Variants in RNF180 observed in about 807,000 individuals in gnomAD.
RNF180 encodes E3 ubiquitin-protein ligase RNF180.
A neutral mutation model predicts 59.2 loss-of-function variants in RNF180; 38 were observed. The observed-to-expected ratio is 0.64, with a 90% confidence interval of 0.50 to 0.84. The LOEUF (loss-of-function observed/expected upper bound fraction) is 0.84. RNF180 is among the 40% of genes least tolerant of loss of function. The pLI is 0.00. For missense variants in RNF180, 705 were observed against 700.9 expected (o/e 1.01, Z -0.07); for synonymous variants, 262 against 240.3 (o/e 1.09, Z -0.84).
chr5:64,302,650 G>A (rs764673835), intron 5 of RNF180, among the ~76,000 whole-genome samples: 26 of 151,558 alleles, frequency 1.7e-4, no homozygotes, highest in Non-Finnish European at 2.8e-4. Context: ...GTTTACATGT[G>A]TCAGAAGCTA....
chr5:64,320,021 G>A (rs547781981), intron 5 of RNF180, among the ~76,000 whole-genome samples: 1 of 152,286 alleles, frequency 6.6e-6, no homozygotes, highest in East Asian at 1.9e-4. Flanking sequence ...AACAGCATCA[G>A]CATTACCTGG....
intron 2 of RNF180, among the ~76,000 whole-genome samples, chr5:64,201,712 A>G (rs1005030967): frequency 1.3e-5 from 2 of 152,216 alleles, no homozygotes; most frequent in African/African-American, 4.8e-5. Flanking sequence ...TGATAATAGT[A>G]GATAACTTTG....
chr5:64,338,910 A>G (rs1249473608), intron 7 of RNF180, among the ~76,000 whole-genome samples: 1 of 152,142 alleles, frequency 6.6e-6, no homozygotes, highest in African/African-American at 2.4e-5. Context: ...ACATTAGAAC[A>G]CTGCTAGATT....
intron 5 of RNF180, among the ~76,000 whole-genome samples, chr5:64,270,381 A>C (rs930218804): frequency 2.0e-5 from 3 of 152,182 alleles, no homozygotes; most frequent in African/African-American, 7.2e-5. Context: ...ATTTCCCTGT[A>C]TAGTCATCTA....
intron 5 of RNF180, among the ~76,000 whole-genome samples, chr5:64,288,141 C>T (rs1742384380): frequency 6.6e-6 from 1 of 152,136 alleles, no homozygotes; most frequent in African/African-American, 2.4e-5. Context: ...TCTCCCGGCA[C>T]CATTTATTAA....
chr5:64,190,033 G>GT (rs754546228), intron 1 of RNF180, among the ~76,000 whole-genome samples: 114 of 152,262 alleles, frequency 7.5e-4, no homozygotes, highest in Non-Finnish European at 1.3e-3. Context: ...TTCTTCCTCA[G>GT]TTTGAGTATA....
chr5:64,234,804 T>A (rs1742330106), intron 5 of RNF180, among the ~76,000 whole-genome samples: 1 of 151,752 alleles, frequency 6.6e-6, no homozygotes, highest in South Asian at 2.1e-4. Flanking sequence ...TTTCACCGTG[T>A]TAGCCAGGAT....
intron 4 of RNF180, among the ~76,000 whole-genome samples, chr5:64,216,771 G>A (rs931534483): frequency 9.2e-5 from 14 of 152,308 alleles, no homozygotes; most frequent in African/African-American, 2.9e-4. Context: ...GGGGAAAGAC[G>A]TAGCACTGAG....
intron 7 of RNF180, among the ~76,000 whole-genome samples, chr5:64,337,130 C>T (rs77551099): frequency 0.045 from 6,828 of 151,996 alleles, 505 homozygotes; most frequent in African/African-American, 0.15. Flanking sequence ...TCTCCCACCT[C>T]AGACTCCTGA....
chr5:64,324,501 C>T (rs1340662371), intron 5 of RNF180, among the ~76,000 whole-genome samples: 1 of 152,218 alleles, frequency 6.6e-6, no homozygotes, highest in Non-Finnish European at 1.5e-5. Flanking sequence ...TTTTTTTTCT[C>T]ATCATCGTTA....
At chr5:64,216,777 C>T (rs1317478766) in intron 4 of RNF180, among the ~76,000 whole-genome samples, 1 of 152,180 alleles carries the variant, frequency 6.6e-6, no homozygotes, top group Admixed American at 6.5e-5. Flanking sequence ...AGACGTAGCA[C>T]TGAGCCACAT....
At chr5:64,340,100 T>C (rs1177660662) in intron 7 of RNF180, among the ~76,000 whole-genome samples, 21 of 152,164 alleles carry the variant, frequency 1.4e-4, no homozygotes, top group Admixed American at 1.4e-3. Flanking sequence ...ATCTATGCTA[T>C]GTTAATTTAT....
chr5:64,244,258 A>T (rs1186668305), intron 5 of RNF180, among the ~76,000 whole-genome samples: 1 of 152,230 alleles, frequency 6.6e-6, no homozygotes, highest in Non-Finnish European at 1.5e-5. Flanking sequence ...AATTGACAGA[A>T]GTAGGCTTCA....
In RNF180 at chr5:64,369,868, G is replaced by T. The variant is rs892302260; in HGVS notation, c.*54G>T. On this transcript the variant is annotated 3_prime_UTR_variant, in exon 8 of 8. Transcript: ENST00000389100. ...ATCATAAATGATGTAAATAACAATT[G>T]CTTAAACATTTTTAAATGTGCTTTG... 2.0e-6 allele frequency: 2 copies of T among 993,148 alleles called. No individual in the cohort carries two copies. Among genetic ancestry groups the T allele is most frequent in the Non-Finnish European group, 2.7e-6 (2 of 729,950 alleles). The allele number at this position is 993,148 out of a possible 1,614,324, so 61.5% of individuals were successfully genotyped here. A position where few individuals can be genotyped will look rare whatever the true frequency, so the allele number is the denominator to read the frequency against.
Position 64,319,174 on chromosome 5 carries a change from TAA to T in RNF180, c.1228-5996_1228-5995del, listed in dbSNP as rs67593090. ...TTTCTGTGAACCTAAAACTGTTGTT[TAA>T]AAAAAAAAAAAAAAACTTTGTATCT... On this transcript the variant is annotated intron_variant, in intron 5 of 7. Coordinates refer to ENST00000389100, the MANE Select transcript of RNF180 (RefSeq NM_001113561.2). 1.9e-3 allele frequency among the ~76,000 whole-genome samples: 254 copies of T among 134,430 alleles called. 1 individual carries two copies. Among genetic ancestry groups the T allele is most frequent in the African/African-American group, 5.9e-3 (214 of 36,288 alleles). The allele number at this position is 134,430 out of a possible 152,430, so 88.2% of individuals were successfully genotyped here.
chr5:64,267,240 A>G (rs933675399), intron 5 of RNF180, among the ~76,000 whole-genome samples: 55 of 152,156 alleles, frequency 3.6e-4, no homozygotes, highest in Non-Finnish European at 8.8e-5. Flanking sequence ...GTTAAAGCCT[A>G]TAGATACTTT....
At chr5:64,345,761 T>C (rs1745528627) in intron 7 of RNF180, among the ~76,000 whole-genome samples, 1 of 152,312 alleles carries the variant, frequency 6.6e-6, no homozygotes, top group Non-Finnish European at 1.5e-5. Flanking sequence ...AATTATCTAA[T>C]ATAACTCACA....
intron 7 of RNF180, among the ~76,000 whole-genome samples, chr5:64,359,462 G>T (rs1435747508): frequency 6.6e-6 from 1 of 151,744 alleles, no homozygotes; most frequent in Non-Finnish European, 1.5e-5. Flanking sequence ...CATGTCCTTC[G>T]CCCACTTTTT....
intron 5 of RNF180, among the ~76,000 whole-genome samples, chr5:64,284,400 C>T (rs1742174480): frequency 1.3e-5 from 2 of 152,184 alleles, no homozygotes; most frequent in South Asian, 2.1e-4. Context: ...GAATGTTGAC[C>T]TCTCATGAGG....
Sources: allele counts gnomAD v4.1 joint callset (sites outside exome capture counted in the v4.1 genomes callset), GRCh38; gene constraint gnomAD v4.1.1; transcripts MANE v1.5; gene names NCBI Gene and HGNC (gene_info 2026-07-23, HGNC 2026-07-21).